CPM: variants seen among roughly 807,000 people sequenced by gnomAD.
CPM encodes the protein renal carboxypeptidase.
CPM carries 35 observed loss-of-function variants against 46.4 expected under a neutral mutation model. The observed-to-expected ratio is 0.75, with a 90% CI of 0.58 to 1.00. The LOEUF is 1.00. Among genes scored for constraint, CPM ranks in the 50% least tolerant of loss-of-function variants. The pLI is 0.00. For synonymous variants in CPM, 195 were observed against 195.3 expected (o/e 1.00, Z 0.01); for missense variants, 422 against 530.4 (o/e 0.80, Z 2.01).
chr12:68,844,296 T>C (rs1884072585), intron 5 of CPM: 1 of 221,522 alleles, frequency 4.5e-6, no homozygotes, highest in South Asian at 1.8e-4. Flanking sequence ...TTTCTTTTTC[T>C]GGAATGGCCA....
rs867079834 is a variant in CPM at position 68,955,451 on chromosome 12, C to T, written c.-4+7718G>A. Among the ~76,000 whole-genome samples the T allele has an allele frequency of 9.9e-5, 15 of 151,740 alleles. No individual in the cohort carries two copies. In the East Asian group the frequency reaches 1.4e-3, roughly 14 times the overall value. On this transcript the variant is annotated intron_variant, in intron 1 of 8. Coordinates refer to the CPM transcript ENST00000546373. ...CCCAGGTCTGTGCTCCCCAAAGGGC[C>T]GCAGCTCTTCTCTTCTTCTTGTTGC...
chr12:68,947,996 TAACA>T (rs1888875524), intron 1 of CPM, among the ~76,000 whole-genome samples: 1 of 152,132 alleles, frequency 6.6e-6, no homozygotes, highest in African/African-American at 2.4e-5. Flanking sequence ...CAAAATAGTC[TAACA>T]AACAAACAAA....
intron 3 of CPM, among the ~76,000 whole-genome samples, chr12:68,882,159 G>A (rs1201688342): frequency 2.0e-5 from 3 of 151,522 alleles, no homozygotes; most frequent in Non-Finnish European, 2.9e-5. Context: ...TGTGTTGTGG[G>A]GATTTGGTGT....
Position 68,856,134 on chromosome 12 carries a change from T to G in CPM, c.*303A>C. ...CAAAATGATCTTCTTTTTGCAGGCATTTTTTTGCTTCTCAAGTTTTAACTT... is the reference window on the plus strand; with the variant it reads ...CAAAATGATCTTCTTTTTGCAGGCAGTTTTTTGCTTCTCAAGTTTTAACTT... On this transcript the variant is annotated 3_prime_UTR_variant, in exon 9 of 9. Coordinates refer to ENST00000551568, the MANE Select transcript of CPM (RefSeq NM_198320.5). 1 of 316,872 alleles carries G rather than the reference T, an allele frequency of 3.2e-6. No homozygotes were observed. Among genetic ancestry groups the G allele is most frequent in the Non-Finnish European group, 5.8e-6 (1 of 171,518 alleles). 19.6% of individuals were successfully genotyped at this position (316,872 alleles called of 1,614,324 possible). A position where few individuals can be genotyped will look rare whatever the true frequency, so the allele number is the denominator to read the frequency against.
chr12:68,902,302 A>T lies in CPM; in HGVS notation c.161-16413T>A, dbSNP rs146433228. Among the ~76,000 whole-genome samples the T allele has an allele frequency of 3.0e-3, 450 of 152,344 alleles. 8 individuals are homozygous for T. The East Asian group carries it at 0.038, about 13-fold the overall frequency. Reference sequence around the variant, plus strand: ...CTGTTGCAAAGTCAACACAAATATAAGTATTTTACTTTAAAAAACTCCCAA... The same window carrying T: ...CTGTTGCAAAGTCAACACAAATATATGTATTTTACTTTAAAAAACTCCCAA... On this transcript the variant is annotated intron_variant, in intron 2 of 8. Transcript: ENST00000551568.
rs1399318513 is a variant in CPM at position 68,856,286 on chromosome 12, G to T, written c.*151C>A. 3.5e-6 allele frequency: 3 copies of T among 857,726 alleles called. No homozygotes were observed. The highest frequency in any genetic ancestry group is 5.4e-6 in the Non-Finnish European group (3 of 554,426). The allele number at this position is 857,726 out of a possible 1,614,324, so 53.1% of individuals were successfully genotyped here. A position where few individuals can be genotyped will look rare whatever the true frequency, so the allele number is the denominator to read the frequency against. ...TCATTATCACCACATATTGCTTATT[G>T]TGGAATTTGGAAACATCCATTTCTC... On this transcript the variant is annotated 3_prime_UTR_variant, in exon 9 of 9. Coordinates refer to ENST00000551568, the MANE Select transcript of CPM (RefSeq NM_198320.5).
At chr12:68,956,132 G>C (rs1889014275) in intron 1 of CPM, among the ~76,000 whole-genome samples, 1 of 152,198 alleles carries the variant, frequency 6.6e-6, no homozygotes, top group Non-Finnish European at 1.5e-5. Flanking sequence ...AGGGGTCCTA[G>C]GTGGCAGGGT....
intron 7 of CPM, among the ~76,000 whole-genome samples, chr12:68,866,595 C>T (rs958528653): frequency 1.3e-5 from 2 of 152,172 alleles, no homozygotes; most frequent in East Asian, 1.9e-4. Flanking sequence ...ACACCTGCCT[C>T]GGCCTCCCAA....
chr12:68,882,491 T>C (rs574489272), intron 3 of CPM, among the ~76,000 whole-genome samples: 35 of 152,340 alleles, frequency 2.3e-4, no homozygotes, highest in South Asian at 4.1e-4. Context: ...AGACTAACCC[T>C]ATGTCTTTGC....
intron 7 of CPM, among the ~76,000 whole-genome samples, chr12:68,863,522 T>G (rs1476894802): frequency 6.6e-6 from 1 of 152,208 alleles, no homozygotes; most frequent in Admixed American, 6.5e-5. Context: ...AGTTGAGGTC[T>G]GCAGTGAGTT....
chr12:68,948,031 C>T (rs746231516), intron 1 of CPM, among the ~76,000 whole-genome samples: 1 of 152,272 alleles, frequency 6.6e-6, no homozygotes, highest in South Asian at 2.1e-4. Context: ...ACTTTAAGGA[C>T]TTTGAGCTTT....
At chr12:68,858,273 A>T (rs1885060027) in intron 8 of CPM, among the ~76,000 whole-genome samples, 1 of 152,318 alleles carries the variant, frequency 6.6e-6, no homozygotes, top group East Asian at 1.9e-4. Flanking sequence ...AAAGAGAAAG[A>T]GGCAAAATCT....
In CPM at chr12:68,856,428, CA is replaced by C; in HGVS notation, c.*8del. 1 of 1,611,414 alleles carries C rather than the reference CA, an allele frequency of 6.2e-7. No individual in the cohort carries two copies. The highest frequency in any genetic ancestry group is 1.1e-5 in the South Asian group (1 of 90,752). ...AGGTGGTGATGTGGGTTGAGTTTCA[CA>C]TTTTACTTTATTTGAAGAATATGTG... On this transcript the variant is annotated 3_prime_UTR_variant, in exon 9 of 9. Coordinates refer to ENST00000551568, the MANE Select transcript of CPM (RefSeq NM_198320.5).
chr12:68,937,811 G>A (rs1228477440), upstream of CPM, among the ~76,000 whole-genome samples: 5 of 152,248 alleles, frequency 3.3e-5, no homozygotes, highest in East Asian at 9.6e-4. Flanking sequence ...CACCAAACAT[G>A]CATTGCTTTT....
chr12:68,906,639 G>A (rs767651373), intron 2 of CPM, among the ~76,000 whole-genome samples: 1 of 151,954 alleles, frequency 6.6e-6, no homozygotes, highest in Non-Finnish European at 1.5e-5. Context: ...ACAGGTATCC[G>A]CCATCACACC....
chr12:68,949,355 A>G (rs1034927698), intron 1 of CPM, among the ~76,000 whole-genome samples: 4 of 152,198 alleles, frequency 2.6e-5, no homozygotes, highest in African/African-American at 9.7e-5. Flanking sequence ...TAAGCAACGG[A>G]GCAAAACCCT....
intron 5 of CPM, chr12:68,842,574 CTT>C (rs1441702813): frequency 2.1e-5 from 7 of 330,548 alleles, no homozygotes; most frequent in African/African-American, 1.3e-4. Context: ...ATTGTTAACT[CTT>C]TACTGATATG....
At chr12:68,843,700 TC>T in intron 5 of CPM, 2 of 42,366 alleles carry the variant, frequency 4.7e-5, no homozygotes, top group Admixed American at 1.5e-4. Context: ...GCTTCAAAAC[TC>T]TCTCTCTCTC....
chr12:68,953,226 T>C (rs1888963262), intron 1 of CPM, among the ~76,000 whole-genome samples: 1 of 151,994 alleles, frequency 6.6e-6, no homozygotes, highest in South Asian at 2.1e-4. Context: ...GTGAGCCTCC[T>C]TCAGCAGGTA....
Sources: gnomAD v4.1 joint callset for allele counts (sites outside exome capture counted in the v4.1 genomes callset) on GRCh38, gnomAD v4.1.1 for gene constraint, MANE v1.5 for transcripts, NCBI Gene and HGNC (gene_info 2026-07-23, HGNC 2026-07-21) for gene names.